CREBZF: variants seen among roughly 807,000 people sequenced by gnomAD.
The protein encoded by CREBZF is CREB/ATF bZIP transcription factor.
A neutral mutation model predicts 21.1 loss-of-function variants in CREBZF; 8 were observed. The observed-to-expected ratio is 0.38, with a 90% CI of 0.22 to 0.68. The LOEUF (loss-of-function observed/expected upper bound fraction) is 0.68, where lower values mean the gene tolerates loss of function less well. Ranked by LOEUF, CREBZF falls within the 30% of genes least tolerant of loss-of-function variation. The probability of loss-of-function intolerance (pLI) is 0.51; values close to 1 mark genes in which losing one functional copy is unlikely to be tolerated. For synonymous variants in CREBZF, 270 were observed against 223.3 expected (o/e 1.21, Z -1.86); for missense variants, 518 against 484.3 (o/e 1.07, Z -0.65).
At position 85,676,184 on chromosome 11, in the gene CREBZF, A is replaced by G. The variant is rs561134787; in HGVS notation, n.147+6533T>C. 8.5e-5 allele frequency among the ~76,000 whole-genome samples: 13 copies of G among 152,344 alleles called. No individual in the cohort carries two copies. In the East Asian group the frequency reaches 2.3e-3, roughly 27 times the overall value. ...CACTCAAGTTGAGAATTGCTGCTTC[A>G]GTGGAGGAAAGGGAGCAGGCATAGA... On this transcript the variant is annotated intron_variant and non_coding_transcript_variant, in intron 1 of 3. Transcript: ENST00000531515.
rs1422306216 is a variant in CREBZF at position 85,663,386 on chromosome 11, G to C, written c.*425C>G. 2 of 642,414 alleles carry C rather than the reference G, an allele frequency of 3.1e-6. No homozygotes were observed. Among genetic ancestry groups the C allele is most frequent in the Non-Finnish European group, 5.6e-6 (2 of 358,370 alleles). The allele number at this position is 642,414 out of a possible 1,614,324, so 39.8% of individuals were successfully genotyped here. A position where few individuals can be genotyped will look rare whatever the true frequency, so the allele number is the denominator to read the frequency against. On this transcript the variant is annotated 3_prime_UTR_variant, in exon 1 of 1. Transcript: ENST00000527447. ...CACAAGTCTGTTTCCAGGGTGGACA[G>C]GGCCCAAATTAGATTTCCCTCCCAC...
At chr11:85,671,105 T>A (rs1195326802) in intron 1 of CREBZF, among the ~76,000 whole-genome samples, 1 of 152,152 alleles carries the variant, frequency 6.6e-6, no homozygotes, top group Non-Finnish European at 1.5e-5. Context: ...CAGTTCCACA[T>A]GGCTGGGGAG....
At chr11:85,678,264 G>A (rs2082954260) in intron 1 of CREBZF, among the ~76,000 whole-genome samples, 1 of 152,132 alleles carries the variant, frequency 6.6e-6, no homozygotes, top group Admixed American at 6.5e-5. Context: ...CAATTTAGTG[G>A]AAAACAGTTT....
chr11:85,674,993 T>C (rs1004722007), intron 1 of CREBZF, among the ~76,000 whole-genome samples: 2 of 152,240 alleles, frequency 1.3e-5, no homozygotes, highest in Non-Finnish European at 2.9e-5. Flanking sequence ...TCAGCCTTCA[T>C]AGAATTGAAA....
At position 85,664,424 on chromosome 11, in the gene CREBZF, G is replaced by T; in HGVS notation, c.452C>A (p.Ala151Asp). The change falls in exon 1 of 1, where the codon GCC becomes GAC. Residue 151 changes from alanine to aspartate, a missense_variant. Ala to Asp is a moderately radical substitution (Grantham distance 126). Transcript: ENST00000527447. This position sits in a 1 kb window ranked among gnomAD's most constrained non-coding sequence, Gnocchi z 5.5. ...GAAGCGCTGCATTTCAGCAGCCGCGGCCTCATCGTCATCGTCCCCTCTCCA... is the reference window on the plus strand; with the variant it reads ...GAAGCGCTGCATTTCAGCAGCCGCGTCCTCATCGTCATCGTCCCCTCTCCA... ...GLWRGDDDDE[A>D]AAAEMQRFSD... 6.2e-7 allele frequency: 1 copy of T among 1,613,782 alleles called. No homozygotes were observed. The highest frequency in any genetic ancestry group is 1.3e-5 in the African/African-American group (1 of 75,048).
chr11:85,681,334 T>G (rs2082975647), intron 1 of CREBZF, among the ~76,000 whole-genome samples: 1 of 152,172 alleles, frequency 6.6e-6, no homozygotes, highest in Non-Finnish European at 1.5e-5. Context: ...TCAAACAACT[T>G]TCTTTAAATA....
In CREBZF at chr11:85,664,692, C is replaced by G; in HGVS notation, c.184G>C (p.Glu62Gln). The change falls in exon 1 of 1, where the codon GAG becomes CAG. Residue 62 changes from glutamate (E) to glutamine (Q), a missense_variant. By Grantham distance (29) the Glu-to-Gln change is conservative. This residue lies in a region of CREBZF where 396 missense variants were observed against 324.4 expected (regional missense o/e 1.22). Coordinates refer to ENST00000527447, the MANE Select transcript of CREBZF (RefSeq NM_001039618.4). This position sits in a 1 kb window ranked among gnomAD's most constrained non-coding sequence, Gnocchi z 5.5. ...CGGCTCCCCCTCCCGGCTTCCAACT[C>G]TCCTTCGTCGCCAAACTGCTGCTTG... ...GRKQQFGDEG[E>Q]LEAGRGSRGG... The G allele has an allele frequency of 1.2e-6, 2 of 1,604,428 alleles. No homozygotes were observed. Among genetic ancestry groups the G allele is most frequent in the Non-Finnish European group, 1.7e-6 (2 of 1,176,432 alleles).
Position 85,664,638 on chromosome 11 carries a change from G to C in CREBZF, c.238C>G (p.Pro80Ala), listed in dbSNP as rs1565810073. Residue 80 changes from proline to alanine, a missense_variant, in exon 1 of 1, where the codon CCC becomes GCC. Coordinates refer to ENST00000527447, the MANE Select transcript of CREBZF (RefSeq NM_001039618.4). This position sits in a 1 kb window ranked among gnomAD's most constrained non-coding sequence, Gnocchi z 5.5. ...RGGVAVRAPS[P>A]EEMEEEAIAS... ...ATCGCCTCCTCCTCCATCTCCTCGG[G>C]GGAGGGCGCGCGCACGGCCACGCCG... is the stretch of plus-strand genomic sequence containing the variant. The C allele has an allele frequency of 6.2e-7, 1 of 1,609,282 alleles. No individual in the cohort carries two copies. The highest frequency in any genetic ancestry group is 8.5e-7 in the Non-Finnish European group (1 of 1,177,726).
At chr11:85,665,168 CGCCACCAG>C (rs1263350606), upstream of CREBZF, 1 of 383,514 alleles carries the variant, frequency 2.6e-6, no homozygotes, top group Admixed American at 4.5e-5. Context: ...GCGTTTCGCG[CGCCACCAG>C]GCCGTAGTGT....
chr11:85,663,483 GC>G lies in CREBZF; in HGVS notation c.*327del. Reference sequence around the variant, plus strand: ...GATGTTGCCCATTAAAGTAGACAAAGCAGCAGAGCATGAGCGTTACGGGAAG... The same window carrying G: ...GATGTTGCCCATTAAAGTAGACAAAGAGCAGAGCATGAGCGTTACGGGAAG... On this transcript the variant is annotated 3_prime_UTR_variant, in exon 1 of 1. Transcript: ENST00000527447. 1.2e-6 allele frequency: 1 copy of G among 814,152 alleles called. No individual in the cohort carries two copies. Among genetic ancestry groups the G allele is most frequent in the Admixed American group, 2.0e-5 (1 of 49,940 alleles). 50.4% of individuals were successfully genotyped at this position (814,152 alleles called of 1,614,324 possible). A position where few individuals can be genotyped will look rare whatever the true frequency, so the allele number is the denominator to read the frequency against.
At position 85,664,959 on chromosome 11, in the gene CREBZF, T is replaced by C; in HGVS notation, c.-84A>G. 1 of 1,037,128 alleles carries C rather than the reference T, an allele frequency of 9.6e-7. No homozygotes were observed. Among genetic ancestry groups the C allele is most frequent in the Non-Finnish European group, 1.3e-6 (1 of 768,874 alleles). The allele number at this position is 1,037,128 out of a possible 1,614,324, so 64.2% of individuals were successfully genotyped here. The stretch of plus-strand genomic sequence containing the variant: ...CAAGGATCCCAGGCCCCAGGGCGGG[T>C]AGCCCCCGGCACTGGCCGAAACGAA... On this transcript the variant is annotated 5_prime_UTR_variant, in exon 1 of 1. Transcript: ENST00000527447. This position sits in a 1 kb window ranked among gnomAD's most constrained non-coding sequence, Gnocchi z 5.5.
At chr11:85,676,205 A>C (rs543332011) in intron 1 of CREBZF, among the ~76,000 whole-genome samples, 1 of 152,194 alleles carries the variant, frequency 6.6e-6, no homozygotes, top group African/African-American at 2.4e-5. Context: ...GGGAGCAGGC[A>C]TAGAAGTTTG....
chr11:85,672,899 G>T (rs562147999), intron 1 of CREBZF, among the ~76,000 whole-genome samples: 1 of 152,266 alleles, frequency 6.6e-6, no homozygotes, highest in East Asian at 1.9e-4. Flanking sequence ...TAAGGGGCTG[G>T]CTACCACATC....
chr11:85,681,386 T>C (rs749505452), intron 1 of CREBZF, among the ~76,000 whole-genome samples: 14 of 152,204 alleles, frequency 9.2e-5, no homozygotes, highest in Non-Finnish European at 2.1e-4. Flanking sequence ...GATTTTCTAT[T>C]AATATTTTGT....
chr11:85,672,048 T>G (rs1036471308), intron 1 of CREBZF, among the ~76,000 whole-genome samples: 1 of 152,252 alleles, frequency 6.6e-6, no homozygotes, highest in South Asian at 2.1e-4. Flanking sequence ...AGTGTTTCCA[T>G]ACATCCTCTA....
In CREBZF at chr11:85,663,015, T is replaced by G. The variant is rs2082731030; in HGVS notation, c.*796A>C. ...TGTTTCTATATCTCATACTGAAAAC[T>G]AAAAGGCATTGTTGATATTTAAGAG... On this transcript the variant is annotated 3_prime_UTR_variant, in exon 1 of 1. Coordinates refer to ENST00000527447, the MANE Select transcript of CREBZF (RefSeq NM_001039618.4). The G allele has an allele frequency of 6.2e-6, 1 of 161,596 alleles. No homozygotes were observed. Among genetic ancestry groups the G allele is most frequent in the South Asian group, 1.6e-4 (1 of 6,150 alleles). The allele number at this position is 161,596 out of a possible 1,614,324, so 10.0% of individuals were successfully genotyped here. A position where few individuals can be genotyped will look rare whatever the true frequency, so the allele number is the denominator to read the frequency against.
chr11:85,669,310 G>T (rs1024574521), upstream of CREBZF, among the ~76,000 whole-genome samples: 7 of 151,738 alleles, frequency 4.6e-5, no homozygotes, highest in African/African-American at 1.7e-4. Flanking sequence ...CTAAATAAAG[G>T]TTATACAAAA....
At chr11:85,675,762 T>G (rs2082938297) in intron 1 of CREBZF, among the ~76,000 whole-genome samples, 1 of 152,188 alleles carries the variant, frequency 6.6e-6, no homozygotes, top group African/African-American at 2.4e-5. Flanking sequence ...ATGCCTGTGG[T>G]ACAGAGACGA....
At position 85,663,672 on chromosome 11, in the gene CREBZF, C is replaced by T; in HGVS notation, c.*139G>A. 6.2e-7 allele frequency: 1 copy of T among 1,609,756 alleles called. No individual in the cohort carries two copies. Among genetic ancestry groups the T allele is most frequent in the Non-Finnish European group, 8.5e-7 (1 of 1,178,050 alleles). On this transcript the variant is annotated 3_prime_UTR_variant, in exon 1 of 1. Coordinates refer to ENST00000527447, the MANE Select transcript of CREBZF (RefSeq NM_001039618.4). ...TACTGTGTCACATTCATGCTTTTAG[C>T]TAAACACTTTAAGATTCAATATTAC...
Sources: allele counts gnomAD v4.1 joint callset (sites outside exome capture counted in the v4.1 genomes callset), GRCh38; gene constraint gnomAD v4.1.1; regional missense constraint gnomAD v4.1.1; non-coding constraint Gnocchi (gnomAD v3.1); transcripts MANE v1.5; gene names NCBI Gene and HGNC (gene_info 2026-07-23, HGNC 2026-07-21).